Variants in ATG3 observed in about 807,000 individuals in gnomAD.
ATG3 encodes ubiquitin-like-conjugating enzyme ATG3.
ATG3 carries 25 observed loss-of-function variants against 50.7 expected under a neutral mutation model. That is an observed-to-expected ratio of 0.49 (90% confidence interval 0.36 to 0.69). The LOEUF (loss-of-function observed/expected upper bound fraction) is 0.69. Among genes scored for constraint, ATG3 ranks in the 30% least tolerant of loss-of-function variants. The pLI, the probability that ATG3 is intolerant of heterozygous loss-of-function variation, is 0.00. For missense variants in ATG3, 281 were observed against 376.0 expected, an observed-to-expected ratio of 0.75 and a Z score of 2.09; for synonymous variants, 119 against 125.5, an observed-to-expected ratio of 0.95 and a Z score of 0.34.
chr3:112,543,992 TATAG>T (rs578233995), intron 6 of ATG3, 61 bp downstream of exon 6: 526 of 1,210,450 alleles, frequency 4.3e-4, no homozygotes, highest in African/African-American at 3.6e-3. Context: ...TATGTGTGTG[TATAG>T]ATAGATAGAT....
chr3:112,558,436 A>T lies in ATG3; in HGVS notation c.73-19T>A, dbSNP rs1324993962. 1 of 1,548,980 alleles carries T rather than the reference A, an allele frequency of 6.5e-7. No homozygotes were observed. Among genetic ancestry groups the T allele is most frequent in the Non-Finnish European group, 8.9e-7 (1 of 1,122,702 alleles). ...TTGATTCCTAAAAAAAGCAGAAAGA[A>T]AAACAATATTATATCATGTTTCACT... On this transcript the variant is annotated intron_variant, in intron 1 of 11. Coordinates refer to ENST00000283290, the MANE Select transcript of ATG3 (RefSeq NM_022488.5).
At chr3:112,559,850 C>T (rs569510396) in intron 1 of ATG3, among the ~76,000 whole-genome samples, 1 of 152,222 alleles carries the variant, frequency 6.6e-6, no homozygotes, top group Non-Finnish European at 1.5e-5. Flanking sequence ...CATGTACATA[C>T]TCCAAACAAA....
rs1933052775 is a variant in ATG3 at position 112,536,504 on chromosome 3, T to C, written c.765A>G (p.Pro255=). The change falls in exon 10 of 12, where the codon CCA becomes CCG. Residue 255 remains proline, a synonymous_variant. Coordinates refer to ENST00000283290, the MANE Select transcript of ATG3 (RefSeq NM_022488.5). ...ATGGGTGAACTGAACACATGGGAGG[T>C]GGTGGCAGATGAGGGTGATTTTCAA... is the stretch of plus-strand genomic sequence containing the variant. The part of the protein sequence containing the change: ...VTIENHPHLP[P]PPMCSVHPCR... The C allele has an allele frequency of 9.3e-6, 15 of 1,613,646 alleles. No homozygotes were observed. Among genetic ancestry groups the C allele is most frequent in the Non-Finnish European group, 1.2e-5 (14 of 1,179,774 alleles).
intron 7 of ATG3, among the ~76,000 whole-genome samples, chr3:112,540,556 G>C (rs1933197862): frequency 6.6e-6 from 1 of 151,606 alleles, no homozygotes; most frequent in South Asian, 2.1e-4. Flanking sequence ...CTTTCTTGTT[G>C]CACAAATTTT....
intron 6 of ATG3, 142 bp downstream of exon 6, chr3:112,543,915 A>T (rs1414137039): frequency 1.8e-6 from 1 of 542,316 alleles, no homozygotes; most frequent in Non-Finnish European, 3.2e-6. Context: ...GGAAGAAAAC[A>T]GCTGGAATTT....
intron 11 of ATG3, chr3:112,533,983 A>C (rs1381874017): frequency 1.7e-6 from 2 of 1,158,440 alleles, no homozygotes; most frequent in Admixed American, 4.5e-5. Context: ...TTAAACTGGA[A>C]ATGTACATAA....
Position 112,541,878 on chromosome 3 carries a change from T to C in ATG3, c.400A>G (p.Ile134Val), listed in dbSNP as rs141140717. The C allele has an allele frequency of 1.2e-6, 2 of 1,609,172 alleles. No homozygotes were observed. The highest frequency in any genetic ancestry group is 2.7e-5 in the African/African-American group (2 of 74,836). ...KEITLENKDNIRLQDCSALCE... is the reference protein window; with the variant it reads ...KEITLENKDNVRLQDCSALCE... ...AGTGCTGAGCAATCTTGAAGCCTTA[T>C]ATTGTCCTTTGAAATTAATTATATT... Residue 134 changes from isoleucine to valine, a missense_variant, in exon 7 of 12, where the codon ATA becomes GTA. Ile to Val is a conservative substitution (Grantham distance 29). This residue lies in a region of ATG3 where 242 missense variants were observed against 305.0 expected (regional missense o/e 0.79). Transcript: ENST00000283290.
At chr3:112,539,771 A>G (rs1250184043) in intron 7 of ATG3, among the ~76,000 whole-genome samples, 2 of 152,228 alleles carry the variant, frequency 1.3e-5, no homozygotes, top group African/African-American at 4.8e-5. Context: ...TACCATTAAC[A>G]CAACTGTTGA....
At chr3:112,553,183 C>A in intron 3 of ATG3, 97 bp downstream of exon 3, 1 of 995,380 alleles carries the variant, frequency 1.0e-6, no homozygotes, top group South Asian at 1.4e-5. Flanking sequence ...TTAAACTGGT[C>A]ATTCTAATTT....
intron 2 of ATG3, among the ~76,000 whole-genome samples, chr3:112,556,394 A>T (rs1933682413): frequency 1.4e-5 from 2 of 140,934 alleles, no homozygotes; most frequent in Admixed American, 1.4e-4. Flanking sequence ...CCCATCCGGG[A>T]GGGAGGTGGG....
At chr3:112,541,535 A>T (rs1933227486) in intron 7 of ATG3, among the ~76,000 whole-genome samples, 1 of 152,274 alleles carries the variant, frequency 6.6e-6, no homozygotes, top group South Asian at 2.1e-4. Context: ...AATATCTTGC[A>T]GCCGTATCCA....
In ATG3 at chr3:112,536,341, G is replaced by A. The variant is rs534735723; in HGVS notation, c.794+134C>T. On this transcript the variant is annotated intron_variant, in intron 10 of 11. Transcript: ENST00000283290. ...TTAAGCACAAGAAAATTTCTAAGGA[G>A]GACAAGAGAGAATTTTACTTTTTAG... The A allele has an allele frequency of 1.7e-4, 180 of 1,039,886 alleles. No homozygotes were observed. In the African/African-American group the frequency reaches 2.7e-3, roughly 16 times the overall value. The allele number at this position is 1,039,886 out of a possible 1,614,324, so 64.4% of individuals were successfully genotyped here. A position where few individuals can be genotyped will look rare whatever the true frequency, so the allele number is the denominator to read the frequency against.
In ATG3 at chr3:112,537,792, G is replaced by A. The variant is rs1933110281; in HGVS notation, c.609C>T (p.Tyr203=). ...TCTGGTAATATTTATCATAAGTGATGTAAAGGTCATAAGTTCTGGTTTGCA... is the reference window on the plus strand; with the variant it reads ...TCTGGTAATATTTATCATAAGTGATATAAAGGTCATAAGTTCTGGTTTGCA... ...AILQTRTYDL[Y]ITYDKYYQTP... is the part of the protein sequence containing the mutation. Residue 203 remains tyrosine, a synonymous_variant, in exon 9 of 12, where the codon TAC becomes TAT. Coordinates refer to ENST00000283290, the MANE Select transcript of ATG3 (RefSeq NM_022488.5). 6.2e-7 allele frequency: 1 copy of A among 1,611,850 alleles called. No individual in the cohort carries two copies. The highest frequency in any genetic ancestry group is 8.5e-7 in the Non-Finnish European group (1 of 1,179,346).
At chr3:112,545,248 C>T (rs766278937) in intron 5 of ATG3, among the ~76,000 whole-genome samples, 5 of 152,248 alleles carry the variant, frequency 3.3e-5, no homozygotes, top group Non-Finnish European at 5.9e-5. Flanking sequence ...TTGCACTCTA[C>T]GGGGCAAATA....
At chr3:112,535,563 A>T (rs1361616243) in intron 10 of ATG3, 1 of 152,160 alleles carries the variant, frequency 6.6e-6, no homozygotes, top group Non-Finnish European at 1.5e-5. Flanking sequence ...TCAAAACTAA[A>T]ACTAATGGCT....
rs1387813070 is a variant in ATG3 at position 112,561,485 on chromosome 3, A to G, written c.44T>C (p.Val15Ala). The G allele has an allele frequency of 6.2e-7, 1 of 1,613,192 alleles. No individual in the cohort carries two copies. Among genetic ancestry groups the G allele is most frequent in the South Asian group, 1.1e-5 (1 of 91,056 alleles). ...GAGGACCGGGGTCAGGTACTCAGCC[A>G]CTTCCAGTGCCTTTCCCTTCACAGT... Reference protein sequence around the residue: ...INTVKGKALEVAEYLTPVLKE... With the variant: ...INTVKGKALEAAEYLTPVLKE... The change falls in exon 1 of 12, where the codon GTG (valine) becomes GCG (alanine). Residue 15 changes from valine (V) to alanine (A), a missense_variant. Coordinates refer to ENST00000283290, the MANE Select transcript of ATG3 (RefSeq NM_022488.5).
intron 4 of ATG3, 79 bp downstream of exon 4, chr3:112,550,113 C>A: frequency 9.5e-7 from 1 of 1,050,880 alleles, no homozygotes; most frequent in Non-Finnish European, 1.4e-6. Flanking sequence ...AAAAAATTTT[C>A]AAGCAATAGA....
chr3:112,561,962 T>G lies in ATG3; in HGVS notation c.-434A>C, dbSNP rs569217583. 4 of 202,334 alleles carry G rather than the reference T, an allele frequency of 2.0e-5. No homozygotes were observed. Among genetic ancestry groups the G allele is most frequent in the South Asian group, 1.4e-4 (2 of 14,656 alleles). The allele number at this position is 202,334 out of a possible 1,614,324, so 12.5% of individuals were successfully genotyped here. A position where few individuals can be genotyped will look rare whatever the true frequency, so the allele number is the denominator to read the frequency against. On this transcript the variant is annotated 5_prime_UTR_variant, in exon 1 of 12. Coordinates refer to ENST00000283290, the MANE Select transcript of ATG3 (RefSeq NM_022488.5). ...CCGCCACCGGGGCCTCACGTGACACTAGACTCTCCCGGCACGTGACGTGAG... is the reference window on the plus strand; with the variant it reads ...CCGCCACCGGGGCCTCACGTGACACGAGACTCTCCCGGCACGTGACGTGAG...
chr3:112,555,721 C>T lies in ATG3; in HGVS notation c.115-2392G>A, dbSNP rs146224614. Among the ~76,000 whole-genome samples the T allele has an allele frequency of 2.0e-5, 3 of 152,330 alleles. No homozygotes were observed. The East Asian group carries it at 5.8e-4, about 29-fold the overall frequency. ...AGCAAATGATGCCTTCCCATTTCCT[C>T]CTCCAGGCTCATTCTACTCTAACTC... On this transcript the variant is annotated intron_variant, in intron 2 of 11. Transcript: ENST00000283290.
Sources: gnomAD v4.1 joint callset for allele counts (sites outside exome capture counted in the v4.1 genomes callset) on GRCh38, gnomAD v4.1.1 for gene constraint, gnomAD v4.1.1 regional missense constraint, MANE v1.5 for transcripts, NCBI Gene and HGNC (gene_info 2026-07-23, HGNC 2026-07-21) for gene names.